Variants in SEC14L5 observed in about 807,000 individuals in gnomAD.
SEC14L5 encodes SEC14 like lipid binding 5.
Under a neutral mutation model 84.6 loss-of-function variants are expected in SEC14L5, and 96 were observed. The observed-to-expected ratio is 1.13, with a 90% CI of 0.96 to 1.34. SEC14L5 has a LOEUF of 1.34. SEC14L5 is among the 40% of genes most tolerant of loss of function. SEC14L5 has a pLI of 0.00. For missense variants in SEC14L5, 1,224 were observed against 942.5 expected (o/e 1.30, Z -3.91); for synonymous variants, 546 against 383.4 (o/e 1.42, Z -4.95).
intron 4 of SEC14L5, among the ~76,000 whole-genome samples, chr16:4,989,250 G>A (rs1011756424): frequency 2.4e-4 from 36 of 151,422 alleles, no homozygotes; most frequent in African/African-American, 8.2e-4. Context: ...TTGCTGGATC[G>A]TTTTCACGAT....
rs1231228269 is a variant in SEC14L5 at position 5,007,496 on chromosome 16, C to A, written c.1572+10C>A. ...CGGAGCCCCCCACGAGGTGCCAGGG[C>A]CTGGCCGGGGAGGGCCCGCTGAGCT... On this transcript the variant is annotated intron_variant, in intron 13 of 15. Transcript: ENST00000251170. 6.2e-7 allele frequency: 1 copy of A among 1,612,292 alleles called. No homozygotes were observed. Among genetic ancestry groups the A allele is most frequent in the Non-Finnish European group, 8.5e-7 (1 of 1,179,396 alleles).
At chr16:4,973,976 A>G (rs1955309435) in intron 2 of SEC14L5, among the ~76,000 whole-genome samples, 1 of 151,112 alleles carries the variant, frequency 6.6e-6, no homozygotes, top group South Asian at 2.1e-4. Context: ...AAGCCACCTC[A>G]CCAGGCCTTA....
intron 6 of SEC14L5, among the ~76,000 whole-genome samples, chr16:4,995,947 G>C (rs1376114340): frequency 1.3e-5 from 2 of 152,094 alleles, no homozygotes; most frequent in Non-Finnish European, 2.9e-5. Flanking sequence ...TCTAAAGTGG[G>C]GATAATAGTG....
intron 11 of SEC14L5, among the ~76,000 whole-genome samples, chr16:5,005,363 A>T (rs1320400562): frequency 2.0e-5 from 3 of 151,472 alleles, no homozygotes; most frequent in Non-Finnish European, 4.4e-5. Context: ...ATCCACAGAG[A>T]CAGAGTGTAG....
intron 2 of SEC14L5, among the ~76,000 whole-genome samples, chr16:4,981,776 T>G (rs1955426347): frequency 6.6e-6 from 1 of 152,138 alleles, no homozygotes; most frequent in Non-Finnish European, 1.5e-5. Flanking sequence ...ATATACGCAC[T>G]TTCCAAATGA....
rs1955888578 is a variant in SEC14L5, at chr16:5,017,472, T to G, written c.*2502T>G. 1 of 152,298 alleles carries G rather than the reference T, an allele frequency of 6.6e-6. No homozygotes were observed. The highest frequency in any genetic ancestry group is 1.5e-5 in the Non-Finnish European group (1 of 68,090). The allele number at this position is 152,298 out of a possible 1,614,324, so 9.4% of individuals were successfully genotyped here. A position where few individuals can be genotyped will look rare whatever the true frequency, so the allele number is the denominator to read the frequency against. The stretch of plus-strand genomic sequence containing the variant: ...TGCTGACCTCATTCTTTCTTCCACC[T>G]GGCGGGAAAGATGGCTGCCAGCAGC... On this transcript the variant is annotated 3_prime_UTR_variant, in exon 16 of 16. Transcript: ENST00000251170.
At chr16:4,998,003 CTTT>C (rs35302716) in intron 8 of SEC14L5, among the ~76,000 whole-genome samples, 5 of 77,884 alleles carry the variant, frequency 6.4e-5, no homozygotes, top group Admixed American at 1.4e-4. Context: ...GACTCTAGTT[CTTT>C]TTTTTTTTTT....
At chr16:5,014,790 C>T in intron 15 of SEC14L5, 69 bp from the exon 16 acceptor site, 4 of 1,217,316 alleles carry the variant, frequency 3.3e-6, no homozygotes, top group South Asian at 1.3e-5. Context: ...AGCTTTTCCA[C>T]TGCTGTGTGT....
At chr16:4,990,696 G>A in intron 4 of SEC14L5, 71 bp from the exon 5 acceptor site, 1 of 1,462,054 alleles carries the variant, frequency 6.8e-7, no homozygotes, top group Non-Finnish European at 9.2e-7. Flanking sequence ...CCAGGTCAGT[G>A]GGAGAGCCCT....
At chr16:4,994,260 C>G (rs71390613) in intron 6 of SEC14L5, among the ~76,000 whole-genome samples, 13,771 of 152,260 alleles carry the variant, frequency 0.09, 1,273 homozygotes, top group East Asian at 0.49. Flanking sequence ...AGGGACTTCC[C>G]TAACTCTGAC....
chr16:4,971,091 CAAAAAAAA>C (rs34842525), intron 2 of SEC14L5, among the ~76,000 whole-genome samples: 1 of 73,932 alleles, frequency 1.4e-5, no homozygotes, highest in Non-Finnish European at 2.8e-5. Context: ...GTGACAGAGC[CAAAAAAAA>C]AAAAAAAAAA....
At position 5,015,443 on chromosome 16, in the gene SEC14L5, T is replaced by C. The variant is rs2142541627; in HGVS notation, c.*473T>C. 1 of 160,436 alleles carries C rather than the reference T, an allele frequency of 6.2e-6. No homozygotes were observed. Among genetic ancestry groups the C allele is most frequent in the South Asian group, 1.8e-4 (1 of 5,558 alleles). The allele number at this position is 160,436 out of a possible 1,614,324, so 9.9% of individuals were successfully genotyped here. ...AGTCTTAGCCTGGAAGGGGGAGCGA[T>C]TGCCAGGTCAATTCCTGAACCAATC... On this transcript the variant is annotated 3_prime_UTR_variant, in exon 16 of 16. Coordinates refer to ENST00000251170, the MANE Select transcript of SEC14L5 (RefSeq NM_014692.2).
chr16:5,000,656 T>C lies in SEC14L5; in HGVS notation c.972T>C (p.Asp324=), dbSNP rs778868819. 43 of 1,551,082 alleles carry C rather than the reference T, an allele frequency of 2.8e-5. No individual in the cohort carries two copies. The East Asian group carries it at 1.0e-3, about 36-fold the overall frequency. The change falls in exon 9 of 16, where the codon GAT becomes GAC. Residue 324 remains aspartate, a splice_region_variant and synonymous_variant. Transcript: ENST00000251170. The stretch of plus-strand genomic sequence containing the variant: ...TTCTGCTTGGCCCCATCCACAAAGA[T>C]GGCCGCCCCCTCTACATCCTCCGCC... ...YAGGWHYQDI[D]GRPLYILRLG... is the part of the protein sequence containing the mutation.
At chr16:4,962,765 C>A (rs1175340769) in intron 2 of SEC14L5, among the ~76,000 whole-genome samples, 1 of 151,852 alleles carries the variant, frequency 6.6e-6, no homozygotes, top group East Asian at 1.9e-4. Flanking sequence ...GAGGGACTGC[C>A]ACAACCCTGT....
chr16:4,968,788 A>C (rs560641695), intron 2 of SEC14L5, among the ~76,000 whole-genome samples: 1 of 152,382 alleles, frequency 6.6e-6, no homozygotes, highest in South Asian at 2.1e-4. Flanking sequence ...GATGGCTTGG[A>C]GTAGAACTTC....
intron 14 of SEC14L5, among the ~76,000 whole-genome samples, chr16:5,010,239 C>T (rs909860544): frequency 7.6e-5 from 11 of 145,008 alleles, no homozygotes; most frequent in Non-Finnish European, 1.5e-4. Context: ...TGGCGGGTGC[C>T]TGTAATCCCA....
chr16:4,960,142 C>T (rs1311614724), intron 2 of SEC14L5, among the ~76,000 whole-genome samples: 1 of 152,208 alleles, frequency 6.6e-6, no homozygotes, highest in Non-Finnish European at 1.5e-5. Context: ...AGAAGCTGGA[C>T]ATAGGTGGAT....
At chr16:4,998,238 C>T (rs1201674479) in intron 8 of SEC14L5, among the ~76,000 whole-genome samples, 4 of 151,360 alleles carry the variant, frequency 2.6e-5, no homozygotes, top group Admixed American at 2.6e-4. Flanking sequence ...AACTCCTGAC[C>T]TCAAGTGATC....
intron 15 of SEC14L5, 81 bp downstream of exon 15, chr16:5,011,354 C>G (rs1955801107): frequency 5.6e-6 from 8 of 1,427,198 alleles, no homozygotes; most frequent in East Asian, 2.4e-5. Context: ...CCTCCTGTCT[C>G]CCAGCTGGGT....
Sources: allele counts gnomAD v4.1 joint callset (sites outside exome capture counted in the v4.1 genomes callset), GRCh38; gene constraint gnomAD v4.1.1; transcripts MANE v1.5; gene names NCBI Gene and HGNC (gene_info 2026-07-23, HGNC 2026-07-21).